The following RASGEF1C variants were observed in gnomAD, a reference collection of about 807,000 sequenced individuals.
The protein encoded by RASGEF1C is RasGEF domain family member 1C.
RASGEF1C carries 27 observed loss-of-function variants against 58.1 expected under a neutral mutation model. That is an observed-to-expected ratio of 0.46 (90% confidence interval 0.34 to 0.64). The LOEUF (loss-of-function observed/expected upper bound fraction) is 0.64, where lower values mean the gene tolerates loss of function less well. Ranked by LOEUF, RASGEF1C falls within the 30% of genes least tolerant of loss-of-function variation. The pLI is 0.01. For synonymous variants in RASGEF1C, 243 were observed against 246.3 expected, an observed-to-expected ratio of 0.99 and a Z score of 0.13; for missense variants, 502 against 605.1, an observed-to-expected ratio of 0.83 and a Z score of 1.79.
chr5:180,184,834 T>C (rs115615500), intron 1 of RASGEF1C, among the ~76,000 whole-genome samples: 3,975 of 152,258 alleles, frequency 0.026, 68 homozygotes, highest in South Asian at 0.058. Flanking sequence ...CAAAGGGTCA[T>C]CCATAAAGAT....
intron 1 of RASGEF1C, among the ~76,000 whole-genome samples, chr5:180,152,604 C>G (rs545972485): frequency 6.7e-6 from 1 of 148,418 alleles, no homozygotes; most frequent in African/African-American, 2.5e-5. Flanking sequence ...AGGAGATATA[C>G]CTAACGTTAA....
intron 1 of RASGEF1C, among the ~76,000 whole-genome samples, chr5:180,208,006 T>C (rs1319304104): frequency 6.6e-6 from 1 of 152,170 alleles, no homozygotes; most frequent in Non-Finnish European, 1.5e-5. Context: ...AGTGAGCACT[T>C]ACGGGGGCAG....
intron 10 of RASGEF1C, among the ~76,000 whole-genome samples, chr5:180,117,218 C>T (rs1766084463): frequency 6.6e-6 from 1 of 152,246 alleles, no homozygotes; most frequent in African/African-American, 2.4e-5. Context: ...GACACACTCA[C>T]AGCCTGAACA....
chr5:180,121,805 G>A (rs950047528), intron 6 of RASGEF1C, among the ~76,000 whole-genome samples: 1 of 152,014 alleles, frequency 6.6e-6, no homozygotes, highest in Non-Finnish European at 1.5e-5. Flanking sequence ...CAAAAATATC[G>A]AAGTCATGAG....
intron 1 of RASGEF1C, among the ~76,000 whole-genome samples, chr5:180,203,718 G>A (rs1184824543): frequency 6.6e-6 from 1 of 152,210 alleles, no homozygotes; most frequent in African/African-American, 2.4e-5. Context: ...CTACAGGCTG[G>A]GCGCGGTGGC....
rs1463308273 is a variant in RASGEF1C at position 180,150,974 on chromosome 5, A to G, written c.-6-12916T>C. The stretch of plus-strand genomic sequence containing the variant: ...GTGAACTCCCATTCACAATTGCTTC[A>G]AAGAGAATAAAATACCTAGGAATCC... On this transcript the variant is annotated intron_variant, in intron 1 of 13. Coordinates refer to ENST00000361132, the MANE Select transcript of RASGEF1C (RefSeq NM_175062.4). Among the ~76,000 whole-genome samples, 23 of 151,156 alleles carry G rather than the reference A, an allele frequency of 1.5e-4. 1 individual carries two copies. In the Admixed American group the frequency reaches 1.5e-3, roughly 10 times the overall value.
At position 180,155,427 on chromosome 5, in the gene RASGEF1C, A is replaced by G. The variant is rs1485735596; in HGVS notation, c.-6-17369T>C. Among the ~76,000 whole-genome samples, 1 of 152,098 alleles carries G rather than the reference A, an allele frequency of 6.6e-6. No homozygotes were observed. The highest frequency in any genetic ancestry group is 1.5e-5 in the Non-Finnish European group (1 of 68,026). On this transcript the variant is annotated intron_variant, in intron 1 of 13. Transcript: ENST00000361132. The surrounding 1 kb of genome is among the most constrained non-coding windows in gnomAD (Gnocchi z 5.2). ...AGCCCAGATCTGCTTGCGGAGGCTG[A>G]GAATGCACCTGGCCTTGCCTTCAGG...
Position 180,136,417 on chromosome 5 carries a change from G to T in RASGEF1C, c.399C>A (p.His133Gln). 6.4e-7 allele frequency: 1 copy of T among 1,560,562 alleles called. No homozygotes were observed. The highest frequency in any genetic ancestry group is 8.7e-7 in the Non-Finnish European group (1 of 1,152,214). ...RDFQEESTIG[H>Q]LKDVVGRIAP... is the part of the protein sequence containing the mutation. Reference sequence around the variant, plus strand: ...CGATGCGGCCCACGACGTCCTTAAGGTGCCCGATAGTCGACTCTTCCTGGA... The same window carrying T: ...CGATGCGGCCCACGACGTCCTTAAGTTGCCCGATAGTCGACTCTTCCTGGA... Residue 133 changes from histidine (H) to glutamine (Q), a missense_variant, in exon 4 of 14, where the codon CAC becomes CAA. Transcript: ENST00000361132.
chr5:180,191,976 C>T (rs1422412021), intron 1 of RASGEF1C, among the ~76,000 whole-genome samples: 1 of 152,150 alleles, frequency 6.6e-6, no homozygotes, highest in Non-Finnish European at 1.5e-5. Flanking sequence ...GTCTCAGGAC[C>T]TCAGCTGTGA....
intron 1 of RASGEF1C, among the ~76,000 whole-genome samples, chr5:180,199,534 A>C (rs1223208950): frequency 6.6e-6 from 1 of 152,224 alleles, no homozygotes; most frequent in East Asian, 1.9e-4. Flanking sequence ...ACGCTTAGCG[A>C]CATCCACTGC....
intron 1 of RASGEF1C, among the ~76,000 whole-genome samples, chr5:180,161,979 G>T (rs1370296063): frequency 6.6e-6 from 1 of 152,252 alleles, no homozygotes; most frequent in African/African-American, 2.4e-5. Context: ...TGCTGGGCAC[G>T]TGGTGGGTAT....
intron 1 of RASGEF1C, among the ~76,000 whole-genome samples, chr5:180,172,896 CA>C (rs1767135653): frequency 6.6e-6 from 1 of 152,218 alleles, no homozygotes; most frequent in Non-Finnish European, 1.5e-5. Flanking sequence ...TGCCTTTGCC[CA>C]TGCTCTATCC....
rs1437505331 is a variant in RASGEF1C, at chr5:180,209,128, G to GC, written c.-108dup. On this transcript the variant is annotated 5_prime_UTR_variant, in exon 1 of 14. Coordinates refer to ENST00000361132, the MANE Select transcript of RASGEF1C (RefSeq NM_175062.4). Reference sequence around the variant, plus strand: ...GGCGCCGCCCGCCGCCGCCGCCGCCGCCGCCGCCGCCGCCGCCGCCGCCCG... The same window carrying GC: ...GGCGCCGCCCGCCGCCGCCGCCGCCGCCCGCCGCCGCCGCCGCCGCCGCCCG... The GC allele has an allele frequency of 2.4e-4, 4 of 16,382 alleles. No individual in the cohort carries two copies. The highest frequency in any genetic ancestry group is 7.8e-4 in the Admixed American group (1 of 1,276). 1.0% of individuals were successfully genotyped at this position (16,382 alleles called of 1,614,324 possible). A position where few individuals can be genotyped will look rare whatever the true frequency, so the allele number is the denominator to read the frequency against.
intron 1 of RASGEF1C, among the ~76,000 whole-genome samples, chr5:180,201,573 A>T (rs1756396013): frequency 6.6e-6 from 1 of 152,214 alleles, no homozygotes; most frequent in African/African-American, 2.4e-5. Flanking sequence ...CAGTATAAAG[A>T]GCCGACACTA....
At chr5:180,101,785 T>A (rs2113230170) in intron 13 of RASGEF1C, among the ~76,000 whole-genome samples, 1 of 152,324 alleles carries the variant, frequency 6.6e-6, no homozygotes, top group African/African-American at 2.4e-5. Flanking sequence ...AAATATAGAC[T>A]GGGAGTCCCT....
intron 5 of RASGEF1C, among the ~76,000 whole-genome samples, chr5:180,128,127 T>G (rs1766294646): frequency 1.3e-5 from 2 of 152,206 alleles, no homozygotes; most frequent in African/African-American, 4.8e-5. Context: ...GGCCAGGTGA[T>G]GGAGACATGA....
chr5:180,117,112 C>A (rs901425890), intron 10 of RASGEF1C, among the ~76,000 whole-genome samples: 3 of 152,232 alleles, frequency 2.0e-5, no homozygotes, highest in African/African-American at 7.2e-5. Context: ...GGCTCCGGCT[C>A]CTGGCAGGCC....
At chr5:180,129,576 C>T (rs566057373) in intron 4 of RASGEF1C, among the ~76,000 whole-genome samples, 3 of 152,312 alleles carry the variant, frequency 2.0e-5, no homozygotes, top group South Asian at 2.1e-4. Flanking sequence ...ACCTGCCCAC[C>T]GCTCACTGCA....
intron 1 of RASGEF1C, among the ~76,000 whole-genome samples, chr5:180,186,154 TCAA>T (rs1756035301): frequency 6.6e-6 from 1 of 150,480 alleles, no homozygotes; most frequent in South Asian, 2.1e-4. Context: ...CCATTGCTAT[TCAA>T]CATTGTACTA....
Sources: allele counts gnomAD v4.1 joint callset (sites outside exome capture counted in the v4.1 genomes callset), GRCh38; gene constraint gnomAD v4.1.1; non-coding constraint Gnocchi (gnomAD v3.1); transcripts MANE v1.5; gene names NCBI Gene and HGNC (gene_info 2026-07-23, HGNC 2026-07-21).